The following AOAH variants were observed in gnomAD, a reference collection of about 807,000 sequenced individuals.
AOAH encodes the protein acyloxyacyl hydrolase (neutrophil).
AOAH carries 64 observed loss-of-function variants against 92.2 expected under a neutral mutation model. That is an observed-to-expected ratio of 0.69 (90% CI 0.57 to 0.86). The LOEUF (loss-of-function observed/expected upper bound fraction) is 0.86, where lower values mean the gene tolerates loss of function less well. Among genes scored for constraint, AOAH ranks in the 40% least tolerant of loss-of-function variants. AOAH has a pLI of 0.00. For missense variants in AOAH, 656 were observed against 694.6 expected, an observed-to-expected ratio of 0.94 and a Z score of 0.62; for synonymous variants, 263 against 254.5, an observed-to-expected ratio of 1.03 and a Z score of -0.32.
chr7:36,552,083 A>G (rs1786301955), intron 13 of AOAH, among the ~76,000 whole-genome samples: 1 of 152,082 alleles, frequency 6.6e-6, no homozygotes, highest in Non-Finnish European at 1.5e-5. Context: ...ATACATGTGT[A>G]GGTTTGTTAC....
intron 5 of AOAH, among the ~76,000 whole-genome samples, chr7:36,634,918 CTT>C (rs1793418572): frequency 6.6e-6 from 1 of 152,166 alleles, no homozygotes; most frequent in South Asian, 2.1e-4. Context: ...CTGCAGCTGT[CTT>C]TGCCATTCAT....
intron 15 of AOAH, 26 bp from the exon 16 acceptor site, chr7:36,540,517 T>C: frequency 6.3e-7 from 1 of 1,594,012 alleles, no homozygotes; most frequent in Non-Finnish European, 8.6e-7. Flanking sequence ...ACAGAAAATA[T>C]CTTGGTTGAT....
At chr7:36,673,086 T>C (rs1301233326) in intron 3 of AOAH, among the ~76,000 whole-genome samples, 1 of 152,170 alleles carries the variant, frequency 6.6e-6, no homozygotes, top group African/African-American at 2.4e-5. Context: ...GTCAAGGTCC[T>C]AGACTGTTTT....
At chr7:36,659,517 C>T (rs1298233129) in intron 3 of AOAH, among the ~76,000 whole-genome samples, 1 of 152,166 alleles carries the variant, frequency 6.6e-6, no homozygotes, top group Non-Finnish European at 1.5e-5. Flanking sequence ...TGCCAGTCAG[C>T]CTCTCACGCG....
intron 11 of AOAH, among the ~76,000 whole-genome samples, chr7:36,604,172 CA>C (rs1433624764): frequency 6.6e-6 from 1 of 152,156 alleles, no homozygotes; most frequent in African/African-American, 2.4e-5. Flanking sequence ...TCATCGGCCC[CA>C]CCTCTTCATA....
chr7:36,641,786 C>T (rs1793938158), intron 4 of AOAH, among the ~76,000 whole-genome samples: 1 of 152,192 alleles, frequency 6.6e-6, no homozygotes, highest in Admixed American at 6.5e-5. Flanking sequence ...CCCCTTCACT[C>T]CCTACGTTTG....
intron 3 of AOAH, among the ~76,000 whole-genome samples, chr7:36,664,269 T>C (rs975820637): frequency 2.0e-5 from 3 of 152,328 alleles, no homozygotes; most frequent in African/African-American, 4.8e-5. Flanking sequence ...ATGTCTGTGA[T>C]CCATTTTGAG....
intron 16 of AOAH, among the ~76,000 whole-genome samples, chr7:36,533,074 G>A (rs189705246): frequency 1.5e-4 from 23 of 152,242 alleles, no homozygotes; most frequent in African/African-American, 3.9e-4. Flanking sequence ...CCAGATGAGC[G>A]TTCATCCAGT....
intron 11 of AOAH, among the ~76,000 whole-genome samples, chr7:36,605,892 C>A (rs147402822): frequency 6.6e-6 from 1 of 152,186 alleles, no homozygotes; most frequent in African/African-American, 2.4e-5. Context: ...GAATTCACCA[C>A]GGTGAACACA....
intron 13 of AOAH, among the ~76,000 whole-genome samples, chr7:36,553,801 C>A (rs1383781829): frequency 6.6e-6 from 1 of 152,166 alleles, no homozygotes; most frequent in African/African-American, 2.4e-5. Context: ...AGTGTCTGTT[C>A]ATATCCTTTG....
chr7:36,618,243 A>C (rs1792033899), intron 10 of AOAH, 54 bp downstream of exon 10: 1 of 1,554,360 alleles, frequency 6.4e-7, no homozygotes, highest in Non-Finnish European at 8.9e-7. Flanking sequence ...AATTTGACTC[A>C]AACTAGAAAA....
chr7:36,592,527 G>A (rs1446351120), intron 12 of AOAH, among the ~76,000 whole-genome samples: 1 of 152,224 alleles, frequency 6.6e-6, no homozygotes, highest in Non-Finnish European at 1.5e-5. Context: ...AATGGTTAGA[G>A]TGAGCCATAT....
intron 15 of AOAH, among the ~76,000 whole-genome samples, chr7:36,548,349 C>T (rs957867519): frequency 6.6e-6 from 1 of 152,140 alleles, no homozygotes; most frequent in Non-Finnish European, 1.5e-5. Flanking sequence ...CCATGCCCAG[C>T]TAATTGTTGT....
chr7:36,589,431 A>C (rs1162973110), intron 12 of AOAH, among the ~76,000 whole-genome samples: 1 of 152,206 alleles, frequency 6.6e-6, no homozygotes, highest in African/African-American at 2.4e-5. Flanking sequence ...CTGACCCATA[A>C]AGTTAGCCAT....
intron 1 of AOAH, among the ~76,000 whole-genome samples, chr7:36,705,648 C>T (rs921592071): frequency 7.9e-5 from 12 of 151,966 alleles, no homozygotes; most frequent in African/African-American, 2.2e-4. Context: ...AAATTTCATA[C>T]GGAACCAAAA....
chr7:36,657,144 C>G (rs188356681), intron 4 of AOAH, among the ~76,000 whole-genome samples: 6 of 152,268 alleles, frequency 3.9e-5, no homozygotes, highest in African/African-American at 1.4e-4. Flanking sequence ...AGGAAACACA[C>G]ATTTCGACAT....
intron 4 of AOAH, among the ~76,000 whole-genome samples, chr7:36,649,831 C>T (rs967577644): frequency 5.3e-5 from 8 of 152,218 alleles, no homozygotes; most frequent in East Asian, 1.9e-4. Context: ...GCAGGGTGTC[C>T]GCTGTGCTCC....
chr7:36,689,965 T>C, intron 1 of AOAH: 1 of 307,190 alleles, frequency 3.3e-6, no homozygotes, highest in Non-Finnish European at 6.3e-6. Context: ...CCAGTGATCA[T>C]AAACCTTGGA....
chr7:36,634,680 T>C (rs1441882926), intron 5 of AOAH, among the ~76,000 whole-genome samples: 1 of 152,220 alleles, frequency 6.6e-6, no homozygotes, highest in Non-Finnish European at 1.5e-5. Flanking sequence ...CTATCTGAGA[T>C]CCAGAGTCCA....
Sources: allele counts gnomAD v4.1 joint callset (sites outside exome capture counted in the v4.1 genomes callset), GRCh38; gene constraint gnomAD v4.1.1; transcripts MANE v1.5; gene names NCBI Gene and HGNC (gene_info 2026-07-23, HGNC 2026-07-21).